The following ADAM32 variants were observed in gnomAD, a reference collection of about 807,000 sequenced individuals.
The protein encoded by ADAM32 is ADAM metallopeptidase domain 32, also known as disintegrin and metalloproteinase domain-containing protein 32.
ADAM32 carries 89 observed loss-of-function variants against 114.9 expected under a neutral mutation model. The ratio of observed to expected loss-of-function variants is 0.77; its 90% CI spans 0.65 to 0.92. ADAM32 has a LOEUF of 0.92. ADAM32 is among the 40% of genes least tolerant of loss of function. ADAM32 has a pLI of 0.00. For missense variants in ADAM32, 870 were observed against 932.8 expected (o/e 0.93, Z 0.88); for synonymous variants, 285 against 307.5 (o/e 0.93, Z 0.77).
rs1418223272 is a variant in ADAM32 at position 39,257,261 on chromosome 8, C to G, written c.2080C>G (p.Leu694Val). ...AGGTTTCCTCATTGCTCTTCCTATT[C>G]TCATTGTAACAACCGCAATAGTTTT... ...LLGFLIALPI[L>V]IVTTAIVLAR... is the part of the protein sequence containing the mutation. Residue 694 changes from leucine to valine, a missense_variant, in exon 19 of 25, where the codon CTC becomes GTC. Transcript: ENST00000379907. 6.2e-7 allele frequency: 1 copy of G among 1,611,830 alleles called. No individual in the cohort carries two copies. Among genetic ancestry groups the G allele is most frequent in the Admixed American group, 1.7e-5 (1 of 59,784 alleles).
At chr8:39,206,756 C>A (rs1807865435) in intron 11 of ADAM32, among the ~76,000 whole-genome samples, 1 of 152,174 alleles carries the variant, frequency 6.6e-6, no homozygotes, top group Non-Finnish European at 1.5e-5. Flanking sequence ...TGTGACACTG[C>A]AGCCCTCTGG....
chr8:39,234,127 G>A lies in ADAM32; in HGVS notation c.1818+45G>A, dbSNP rs74885857. The A allele has an allele frequency of 5.6e-3, 6,760 of 1,198,586 alleles. 317 individuals are homozygous for A. In the African/African-American group the frequency reaches 0.096, roughly 17 times the overall value. 74.2% of individuals were successfully genotyped at this position (1,198,586 alleles called of 1,614,324 possible). ...TTTAAAAAATATAGTTTTATTTATT[G>A]TTTTCATCTTTTTATTTAAGTATCA... On this transcript the variant is annotated intron_variant, in intron 16 of 24. Transcript: ENST00000379907.
At chr8:39,155,640 G>A (rs1412204169) in intron 6 of ADAM32, among the ~76,000 whole-genome samples, 1 of 152,202 alleles carries the variant, frequency 6.6e-6, no homozygotes. Context: ...AAGCCATACA[G>A]AGCACCAGTT....
chr8:39,252,218 A>C (rs1811352085), intron 17 of ADAM32, among the ~76,000 whole-genome samples: 1 of 151,702 alleles, frequency 6.6e-6, no homozygotes, highest in African/African-American at 2.4e-5. Flanking sequence ...ACAAGTCTTA[A>C]CAAATTTAAG....
intron 7 of ADAM32, among the ~76,000 whole-genome samples, chr8:39,163,527 C>T (rs988366898): frequency 3.9e-5 from 6 of 152,090 alleles, no homozygotes; most frequent in Non-Finnish European, 5.9e-5. Context: ...AAATTAGTGG[C>T]ATCAAGAATA....
At position 39,259,613 on chromosome 8, in the gene ADAM32, A is replaced by G. The variant is rs180739542; in HGVS notation, c.2162+2270A>G. Among the ~76,000 whole-genome samples, 85 of 152,152 alleles carry G rather than the reference A, an allele frequency of 5.6e-4. 1 individual carries two copies. Among genetic ancestry groups the G allele is most frequent in the Middle Eastern group, 3.4e-3 (1 of 294 alleles). The stretch of plus-strand genomic sequence containing the variant: ...AGTCATTTAACTCCTTCCATTTTCA[A>G]TGTTTGTCATTTGACTTTCAAATTT... On this transcript the variant is annotated intron_variant, in intron 19 of 24. Coordinates refer to ENST00000379907, the MANE Select transcript of ADAM32 (RefSeq NM_145004.7).
At chr8:39,113,300 A>G (rs542670792) in intron 1 of ADAM32, among the ~76,000 whole-genome samples, 1 of 152,300 alleles carries the variant, frequency 6.6e-6, no homozygotes, top group East Asian at 1.9e-4. Flanking sequence ...TATGAGTGTC[A>G]GTGCAGTGGG....
chr8:39,284,830 G>T lies in ADAM32; in HGVS notation c.*31G>T. The T allele has an allele frequency of 6.2e-7, 1 of 1,612,204 alleles. No individual in the cohort carries two copies. Among genetic ancestry groups the T allele is most frequent in the South Asian group, 1.1e-5 (1 of 90,936 alleles). ...CCTTCAGAAGGCAACGGATAACATC[G>T]AGAGTCTCGCTAAGAAATGAAAATT... On this transcript the variant is annotated 3_prime_UTR_variant, in exon 25 of 25. Transcript: ENST00000379907.
intron 3 of ADAM32, among the ~76,000 whole-genome samples, chr8:39,138,984 G>C (rs1445649710): frequency 6.6e-6 from 1 of 152,146 alleles, no homozygotes; most frequent in South Asian, 2.1e-4. Context: ...TTTGAGAATT[G>C]TCTGTTCATA....
intron 11 of ADAM32, among the ~76,000 whole-genome samples, chr8:39,207,904 G>C (rs11777233): frequency 0.25 from 37,611 of 152,000 alleles, 5,035 homozygotes; most frequent in Non-Finnish European, 0.29. Context: ...TGATAAGATT[G>C]CATTCCTTTT....
intron 14 of ADAM32, among the ~76,000 whole-genome samples, chr8:39,227,981 C>A (rs1809498580): frequency 6.6e-6 from 1 of 152,152 alleles, no homozygotes; most frequent in Non-Finnish European, 1.5e-5. Flanking sequence ...GCTGAGAGAC[C>A]CCTAGACAGT....
intron 3 of ADAM32, among the ~76,000 whole-genome samples, 171 bp from the exon 4 acceptor site, chr8:39,146,959 A>G (rs986770175): frequency 6.6e-6 from 1 of 152,344 alleles, no homozygotes; most frequent in East Asian, 1.9e-4. Flanking sequence ...ATCTTACAGC[A>G]TGAAAAGAGC....
chr8:39,123,913 G>T (rs1170832076), intron 2 of ADAM32, among the ~76,000 whole-genome samples: 1 of 151,822 alleles, frequency 6.6e-6, no homozygotes, highest in Admixed American at 6.6e-5. Flanking sequence ...CGCCATGTTG[G>T]CCAGGCTGGT....
rs537777579 is a variant in ADAM32 at position 39,205,464 on chromosome 8, A to T, written c.1053-5680A>T. Among the ~76,000 whole-genome samples, 3 of 152,314 alleles carry T rather than the reference A, an allele frequency of 2.0e-5. No individual in the cohort carries two copies. In the South Asian group the frequency reaches 6.2e-4, roughly 32 times the overall value. ...TAATCTCCTGCCGTTTGCTAAGACC[A>T]TTGGAAAAGCACAGTATTAGGGTGG... On this transcript the variant is annotated intron_variant, in intron 11 of 24. Transcript: ENST00000379907.
intron 11 of ADAM32, 106 bp downstream of exon 11, chr8:39,187,151 A>G: frequency 1.0e-6 from 1 of 961,348 alleles, no homozygotes; most frequent in South Asian, 2.1e-5. Flanking sequence ...TCAATGGACC[A>G]AATTCACCAA....
At chr8:39,284,225 C>A (rs1001947701) in intron 24 of ADAM32, among the ~76,000 whole-genome samples, 1 of 152,004 alleles carries the variant, frequency 6.6e-6, no homozygotes, top group African/African-American at 2.4e-5. Flanking sequence ...AAGAGTTGTA[C>A]CTACAAGATG....
intron 2 of ADAM32, among the ~76,000 whole-genome samples, chr8:39,120,657 G>A (rs1282330949): frequency 6.6e-6 from 1 of 150,986 alleles, no homozygotes; most frequent in Non-Finnish European, 1.5e-5. Context: ...AGCTACTCGG[G>A]AGACTGAGGC....
chr8:39,280,387 A>G (rs1234985682), intron 22 of ADAM32, among the ~76,000 whole-genome samples: 1 of 152,226 alleles, frequency 6.6e-6, no homozygotes, highest in African/African-American at 2.4e-5. Context: ...AGAAAGGATA[A>G]GTTTTACTAT....
intron 2 of ADAM32, chr8:39,130,956 CTTTTTT>C (rs71218310): frequency 1.1e-4 from 36 of 328,636 alleles, no homozygotes; most frequent in East Asian, 1.8e-4. Flanking sequence ...AGGAGGATGT[CTTTTTT>C]TTTTTTTTTT....
Sources: allele counts gnomAD v4.1 joint callset (sites outside exome capture counted in the v4.1 genomes callset), GRCh38; gene constraint gnomAD v4.1.1; transcripts MANE v1.5; gene names NCBI Gene and HGNC (gene_info 2026-07-23, HGNC 2026-07-21).